CNTNAP2: variants seen among roughly 807,000 people sequenced by gnomAD.
CNTNAP2 encodes the protein contactin associated protein 2.
In CNTNAP2, 98 loss-of-function variants were observed where a neutral mutation model predicts 155.2. The observed-to-expected ratio is 0.63, with a 90% CI of 0.54 to 0.75. The LOEUF is 0.75. Ranked by LOEUF, CNTNAP2 falls within the 30% of genes least tolerant of loss-of-function variation. CNTNAP2 has a pLI of 0.00. For missense variants in CNTNAP2, 1,727 were observed against 1,688.1 expected (o/e 1.02, Z -0.40); for synonymous variants, 651 against 631.2 (o/e 1.03, Z -0.47).
rs115850396 is a variant in CNTNAP2 at position 147,919,172 on chromosome 7, C to G, written c.2255+15451C>G. ...AGGCTGAAAGAGACAAGGAAATTGA[C>G]TCTCACAGAGGCTCCAGAAAGGAAC... On this transcript the variant is annotated intron_variant, in intron 14 of 23. Transcript: ENST00000361727. Among the ~76,000 whole-genome samples the G allele has an allele frequency of 7.7e-3, 1,172 of 152,158 alleles. 16 individuals are homozygous for G. The highest frequency in any genetic ancestry group is 0.027 in the African/African-American group (1,129 of 41,504).
At chr7:146,648,293 G>C (rs577355985) in intron 1 of CNTNAP2, among the ~76,000 whole-genome samples, 1 of 152,122 alleles carries the variant, frequency 6.6e-6, no homozygotes, top group South Asian at 2.1e-4. Flanking sequence ...TAGGGGGTGA[G>C]AAAACATGAA....
intron 9 of CNTNAP2, among the ~76,000 whole-genome samples, chr7:147,389,153 G>A (rs2116439538): frequency 6.6e-6 from 1 of 152,128 alleles, no homozygotes; most frequent in African/African-American, 2.4e-5. Flanking sequence ...TATTCAGGAA[G>A]GTTGAGTAAA....
At chr7:147,161,920 G>C (rs1028331268) in intron 8 of CNTNAP2, 2 of 152,148 alleles carry the variant, frequency 1.3e-5, no homozygotes, top group Non-Finnish European at 2.9e-5. Context: ...GGAGAGCACA[G>C]AAAGGGTGGA....
intron 9 of CNTNAP2, among the ~76,000 whole-genome samples, chr7:147,307,987 T>G (rs1447061055): frequency 1.3e-5 from 2 of 152,122 alleles, no homozygotes; most frequent in Non-Finnish European, 2.9e-5. Flanking sequence ...CCAATAACAT[T>G]GGTTAAATGA....
At chr7:146,863,815 A>C (rs188371989) in intron 3 of CNTNAP2, among the ~76,000 whole-genome samples, 1 of 152,246 alleles carries the variant, frequency 6.6e-6, no homozygotes. Context: ...TTATGGACAA[A>C]AAGTGTTAGT....
chr7:147,815,117 G>C (rs1455831248), intron 13 of CNTNAP2, among the ~76,000 whole-genome samples: 4 of 152,112 alleles, frequency 2.6e-5, no homozygotes, highest in Admixed American at 2.6e-4. Flanking sequence ...TAGAGAGTAT[G>C]ATGCCCTTTT....
At chr7:146,756,717 G>A (rs900715966) in intron 1 of CNTNAP2, among the ~76,000 whole-genome samples, 1 of 151,908 alleles carries the variant, frequency 6.6e-6, no homozygotes, top group Non-Finnish European at 1.5e-5. Flanking sequence ...AAAATGCAAA[G>A]GTAGGTCCTC....
intron 9 of CNTNAP2, among the ~76,000 whole-genome samples, chr7:147,322,505 G>A (rs2620461): frequency 1 from 152,033 of 152,188 alleles, 75,939 homozygotes; most frequent in Middle Eastern, 1. Context: ...TTTTGCATCA[G>A]TGTTCATCAA....
intron 18 of CNTNAP2, among the ~76,000 whole-genome samples, chr7:148,177,858 A>T (rs1231763927): frequency 1.3e-5 from 2 of 151,400 alleles, no homozygotes; most frequent in East Asian, 3.9e-4. Context: ...TGCAGAGTTT[A>T]TCATAAAAAA....
chr7:147,712,859 G>T (rs564890551), intron 13 of CNTNAP2, among the ~76,000 whole-genome samples: 1 of 152,054 alleles, frequency 6.6e-6, no homozygotes, highest in Non-Finnish European at 1.5e-5. Context: ...CAACCTGCAC[G>T]TTGTGCACAT....
At chr7:147,654,827 T>TTTC (rs1795501882) in intron 13 of CNTNAP2, among the ~76,000 whole-genome samples, 2 of 142,900 alleles carry the variant, frequency 1.4e-5, no homozygotes, top group Admixed American at 7.0e-5. Context: ...TTTTTTTTTT[T>TTTC]TTTTGAGACT....
At chr7:147,678,579 A>G (rs1407251073) in intron 13 of CNTNAP2, among the ~76,000 whole-genome samples, 1 of 151,912 alleles carries the variant, frequency 6.6e-6, no homozygotes, top group Non-Finnish European at 1.5e-5. Flanking sequence ...CAGGTCCAAA[A>G]AATGGCAAGA....
intron 11 of CNTNAP2, among the ~76,000 whole-genome samples, chr7:147,560,640 C>T (rs971661450): frequency 2.0e-5 from 3 of 151,898 alleles, no homozygotes; most frequent in Non-Finnish European, 4.4e-5. Context: ...TGAACAAACA[C>T]GGTTTCGAAG....
chr7:146,903,069 A>G (rs546880747), intron 3 of CNTNAP2, among the ~76,000 whole-genome samples: 14 of 152,282 alleles, frequency 9.2e-5, no homozygotes, highest in African/African-American at 3.4e-4. Context: ...ACACATTTTT[A>G]TCAACTTCAC....
At chr7:148,263,362 G>A (rs1042533037) in intron 20 of CNTNAP2, 3 of 151,882 alleles carry the variant, frequency 2.0e-5, no homozygotes, top group Admixed American at 6.6e-5. Flanking sequence ...AGTCAAAACC[G>A]AGCAGGATCA....
intron 3 of CNTNAP2, among the ~76,000 whole-genome samples, chr7:146,967,992 C>T (rs1356563655): frequency 1.4e-5 from 2 of 142,756 alleles, no homozygotes; most frequent in Non-Finnish European, 3.2e-5. Flanking sequence ...CCATCAATAC[C>T]TAATTTATTG....
At chr7:147,932,083 A>G (rs1800516266) in intron 14 of CNTNAP2, among the ~76,000 whole-genome samples, 1 of 152,054 alleles carries the variant, frequency 6.6e-6, no homozygotes, top group Non-Finnish European at 1.5e-5. Context: ...ATGAGGTCTC[A>G]CTATATTGCC....
intron 13 of CNTNAP2, among the ~76,000 whole-genome samples, chr7:147,893,940 C>T (rs140019146): frequency 1.3e-5 from 2 of 152,216 alleles, no homozygotes; most frequent in Admixed American, 1.3e-4. Flanking sequence ...GCTTTAAGCC[C>T]CTATATTCCT....
At chr7:147,312,947 C>T (rs1187678106) in intron 9 of CNTNAP2, among the ~76,000 whole-genome samples, 25 of 136,690 alleles carry the variant, frequency 1.8e-4, no homozygotes, top group East Asian at 1.5e-3. Context: ...TTTTAATGAT[C>T]GCCATTCTAA....
Sources: allele counts gnomAD v4.1 joint callset (sites outside exome capture counted in the v4.1 genomes callset), GRCh38; gene constraint gnomAD v4.1.1; transcripts MANE v1.5; gene names NCBI Gene and HGNC (gene_info 2026-07-23, HGNC 2026-07-21).